Variants in SMARCA4 observed in about 807,000 individuals in gnomAD.
SMARCA4 encodes SWI/SNF-related matrix-associated actin-dependent regulator of chromatin subfamily A member 4.
In SMARCA4, 31 loss-of-function variants were observed where a neutral mutation model predicts 193.9. The ratio of observed to expected loss-of-function variants is 0.16; its 90% CI spans 0.12 to 0.22. The LOEUF is 0.22. Ranked by LOEUF, SMARCA4 falls within the 10% of genes least tolerant of loss-of-function variation. The probability of loss-of-function intolerance (pLI) is 1.00; values close to 1 mark genes in which losing one functional copy is unlikely to be tolerated. For synonymous variants in SMARCA4, 942 were observed against 933.1 expected (o/e 1.01, Z -0.17); for missense variants, 1,148 against 2,296.0 (o/e 0.50, Z 10.22).
chr19:11,023,764 A>G (rs1410523052), intron 20 of SMARCA4, 133 bp downstream of exon 20: 1 of 708,928 alleles, frequency 1.4e-6, no homozygotes, highest in East Asian at 2.7e-5. Flanking sequence ...GGTGGCGATG[A>G]CGCCACTGGG....
chr19:11,030,428 A>G lies in SMARCA4; in HGVS notation c.3383-302A>G, dbSNP rs1278447229. 6.6e-6 allele frequency among the ~76,000 whole-genome samples: 1 copy of G among 152,160 alleles called. No individual in the cohort carries two copies. The highest frequency in any genetic ancestry group is 1.5e-5 in the Non-Finnish European group (1 of 68,036). The stretch of plus-strand genomic sequence containing the variant: ...GTGGTGGTGGCTGTGCTGACGCTGG[A>G]CGCTGTGGCCTAGCTGTGGGCTGGG... On this transcript the variant is annotated intron_variant, in intron 24 of 34. Transcript: ENST00000344626. The surrounding 1 kb of genome is among the most constrained non-coding windows in gnomAD (Gnocchi z 5.5).
chr19:11,038,367 C>T (rs1044683396), intron 29 of SMARCA4, among the ~76,000 whole-genome samples: 18 of 152,104 alleles, frequency 1.2e-4, no homozygotes, highest in Admixed American at 3.3e-4. Context: ...GGTCCCATTC[C>T]GAGGTTCCAG....
In SMARCA4 at chr19:11,058,771, C is replaced by T. The variant is rs921475786; in HGVS notation, c.4534-17C>T. The stretch of plus-strand genomic sequence containing the variant: ...GCGGGGTCCTGAGGTAAGACCTGCT[C>T]CTCCCGTCCACTGCAGGAGCGCATT... On this transcript the variant is annotated splice_polypyrimidine_tract_variant and intron_variant, in intron 31 of 34. Transcript: ENST00000344626. This position sits in a 1 kb window ranked among gnomAD's most constrained non-coding sequence, Gnocchi z 5.8. 2 of 1,610,444 alleles carry T rather than the reference C, an allele frequency of 1.2e-6. No individual in the cohort carries two copies. Among genetic ancestry groups the T allele is most frequent in the African/African-American group, 1.3e-5 (1 of 74,992 alleles).
At chr19:11,050,462 C>G (rs1329797889) in intron 30 of SMARCA4, among the ~76,000 whole-genome samples, 1 of 152,220 alleles carries the variant, frequency 6.6e-6, no homozygotes, top group Non-Finnish European at 1.5e-5. Flanking sequence ...GGCACACAGC[C>G]CAGACGCCAG....
At chr19:11,053,393 A>G (rs2076368317) in intron 30 of SMARCA4, among the ~76,000 whole-genome samples, 1 of 150,338 alleles carries the variant, frequency 6.7e-6, no homozygotes. Context: ...CGGAGGTTTC[A>G]GTAAGCCAAG....
chr19:11,013,321 A>T (rs1035216796), intron 16 of SMARCA4, among the ~76,000 whole-genome samples: 1 of 152,188 alleles, frequency 6.6e-6, no homozygotes, highest in African/African-American at 2.4e-5. Context: ...GCTTACATGT[A>T]TCTCACTGTG....
At chr19:11,011,418 T>G (rs1389636397) in intron 15 of SMARCA4, among the ~76,000 whole-genome samples, 1 of 152,034 alleles carries the variant, frequency 6.6e-6, no homozygotes, top group Non-Finnish European at 1.5e-5. Context: ...AGAGACAGAG[T>G]TTCACCATGT....
chr19:11,022,014 G>A (rs2146426655), intron 19 of SMARCA4, 47 bp downstream of exon 19: 1 of 1,610,468 alleles, frequency 6.2e-7, no homozygotes, highest in Non-Finnish European at 8.5e-7. Context: ...AGGTGCGGCT[G>A]GCTTTGCTGG....
chr19:11,024,247 G>A (rs992116823), intron 20 of SMARCA4, 84 bp from the exon 21 acceptor site: 3 of 907,194 alleles, frequency 3.3e-6, no homozygotes, highest in Admixed American at 1.7e-5. Context: ...TGACAGGGCC[G>A]AGGGGGTCAG....
intron 1 of SMARCA4, among the ~76,000 whole-genome samples, chr19:10,973,051 G>C (rs2084809202): frequency 6.6e-6 from 1 of 151,986 alleles, no homozygotes; most frequent in African/African-American, 2.4e-5. Context: ...CGAGGTTGCG[G>C]TGAGCTGAGA....
chr19:11,013,495 G>A (rs944353183), intron 16 of SMARCA4, among the ~76,000 whole-genome samples: 3 of 152,150 alleles, frequency 2.0e-5, no homozygotes, highest in Admixed American at 6.5e-5. Context: ...GCTGCTGGGG[G>A]TCAGGACTGC....
intron 30 of SMARCA4, among the ~76,000 whole-genome samples, chr19:11,052,587 TG>T (rs1648000237): frequency 6.6e-6 from 1 of 152,238 alleles, no homozygotes; most frequent in Non-Finnish European, 1.5e-5. Context: ...CACTTCCCAA[TG>T]TCGGGATCCT....
At chr19:10,973,754 A>G (rs917220504) in intron 1 of SMARCA4, among the ~76,000 whole-genome samples, 14 of 151,862 alleles carry the variant, frequency 9.2e-5, no homozygotes, top group Non-Finnish European at 1.6e-4. Flanking sequence ...TATTTTTAGT[A>G]GAGACGGGGT....
At position 11,010,266 on chromosome 19, in the gene SMARCA4, C is replaced by T. The variant is rs1044638995; in HGVS notation, c.2124-115C>T. 2.7e-5 allele frequency: 32 copies of T among 1,185,814 alleles called. No individual in the cohort carries two copies. The African/African-American group carries it at 4.6e-4, about 17-fold the overall frequency. The allele number at this position is 1,185,814 out of a possible 1,614,324, so 73.5% of individuals were successfully genotyped here. ...CTGCACCTCTATGTGTCTTACAGTG[C>T]TGGCCACAGGTCATTCAGCAGAAAG... On this transcript the variant is annotated intron_variant, in intron 14 of 34. Coordinates refer to ENST00000344626, the MANE Select transcript of SMARCA4 (RefSeq NM_003072.5).
intron 1 of SMARCA4, among the ~76,000 whole-genome samples, chr19:10,978,791 A>G (rs2085336418): frequency 6.6e-6 from 1 of 150,750 alleles, no homozygotes; most frequent in Non-Finnish European, 1.5e-5. Context: ...ATATATATAT[A>G]TATATATTTT....
rs2145796111 is a variant in SMARCA4, at chr19:10,986,938, C to T, written c.794C>T (p.Pro265Leu). The T allele has an allele frequency of 6.2e-7, 1 of 1,612,262 alleles. No homozygotes were observed. Among genetic ancestry groups the T allele is most frequent in the Non-Finnish European group, 8.5e-7 (1 of 1,179,900 alleles). ...GGGCCCAACATGCCTCCCCCAGGAC[C>T]CTCGGGCGTGCCCCCCGGGATGCCA... ...MGGPNMPPPG[P>L]SGVPPGMPGQ... is the part of the protein sequence containing the mutation. The change falls in exon 5 of 35, where the codon CCC (proline) becomes CTC (leucine). Residue 265 changes from proline (P) to leucine (L), a missense_variant. Coordinates refer to ENST00000344626, the MANE Select transcript of SMARCA4 (RefSeq NM_003072.5). The surrounding 1 kb of genome is among the most constrained non-coding windows in gnomAD (Gnocchi z 6.7).
chr19:10,995,856 G>C (rs911346757), intron 9 of SMARCA4: 2 of 386,122 alleles, frequency 5.2e-6, no homozygotes, highest in Non-Finnish European at 1.0e-5. Flanking sequence ...TGTATTCTTA[G>C]AAAGGTGGGG....
chr19:11,026,980 T>TTC (rs921189219), intron 23 of SMARCA4, among the ~76,000 whole-genome samples: 21 of 152,326 alleles, frequency 1.4e-4, no homozygotes, highest in African/African-American at 4.6e-4. Flanking sequence ...ACTCTTTACA[T>TTC]CATGTGGGTG....
Position 10,991,343 on chromosome 19 carries a change from AG to A in SMARCA4, c.1419+22del, listed in dbSNP as rs755160035. ...CACCAGGTACGCTCCGGTGGCCCCA[AG>A]GCCCTGCAGCCCGCCCACCTGGCTG... On this transcript the variant is annotated intron_variant, in intron 8 of 34. Coordinates refer to ENST00000344626, the MANE Select transcript of SMARCA4 (RefSeq NM_003072.5). 4 of 1,571,462 alleles carry A rather than the reference AG, an allele frequency of 2.5e-6. No individual in the cohort carries two copies. The highest frequency in any genetic ancestry group is 1.7e-6 in the Non-Finnish European group (2 of 1,159,426).
Sources: allele counts gnomAD v4.1 joint callset (sites outside exome capture counted in the v4.1 genomes callset), GRCh38; gene constraint gnomAD v4.1.1; non-coding constraint Gnocchi (gnomAD v3.1); transcripts MANE v1.5; gene names NCBI Gene and HGNC (gene_info 2026-07-23, HGNC 2026-07-21).